CAAP1: variants seen among roughly 807,000 people sequenced by gnomAD.
CAAP1 encodes conserved anti-apoptotic protein.
A neutral mutation model predicts 34.0 loss-of-function variants in CAAP1; 20 were observed. The ratio of observed to expected loss-of-function variants is 0.59; its 90% CI spans 0.41 to 0.86. The LOEUF is 0.86. Among genes scored for constraint, CAAP1 ranks in the 40% least tolerant of loss-of-function variants. The probability of loss-of-function intolerance (pLI) is 0.00; values close to 1 mark genes in which losing one functional copy is unlikely to be tolerated. For missense variants in CAAP1, 538 were observed against 450.5 expected, an observed-to-expected ratio of 1.19 and a Z score of -1.76; for synonymous variants, 213 against 166.7, an observed-to-expected ratio of 1.28 and a Z score of -2.14.
At chr9:26,861,371 G>T (rs749164985) in intron 4 of CAAP1, among the ~76,000 whole-genome samples, 3 of 152,030 alleles carry the variant, frequency 2.0e-5, no homozygotes, top group Non-Finnish European at 2.9e-5. Context: ...AAAATCAAGG[G>T]GCAAACCTGA....
At position 26,887,467 on chromosome 9, in the gene CAAP1, G is replaced by A; in HGVS notation, c.350C>T (p.Ala117Val). ...ACCTTCTTCAAGGTCACTGTGCTCTGCCAAGAATAATTCTTTTTCCAAAGT... is the reference window on the plus strand; with the variant it reads ...ACCTTCTTCAAGGTCACTGTGCTCTACCAAGAATAATTCTTTTTCCAAAGT... Reference protein sequence around the residue: ...LPTLEKELFLAEHSDLEEGGL... With the variant: ...LPTLEKELFLVEHSDLEEGGL... The change falls in exon 2 of 6, where the codon GCA becomes GTA. Residue 117 changes from alanine (A) to valine (V), a missense_variant. Physicochemically the swap from Ala to Val is moderately conservative, Grantham distance 64. This residue lies in a region of CAAP1 where 514 missense variants were observed against 408.4 expected (regional missense o/e 1.26). Coordinates refer to ENST00000333916, the MANE Select transcript of CAAP1 (RefSeq NM_024828.4). 1 of 1,608,296 alleles carries A rather than the reference G, an allele frequency of 6.2e-7. No individual in the cohort carries two copies. The highest frequency in any genetic ancestry group is 8.5e-7 in the Non-Finnish European group (1 of 1,178,674).
chr9:26,858,012 A>AT (rs1822912781), intron 5 of CAAP1, among the ~76,000 whole-genome samples: 1 of 152,234 alleles, frequency 6.6e-6, no homozygotes. Context: ...GTCACATGAT[A>AT]TGATTTATTT....
At chr9:26,875,550 TA>T (rs1373201375) in intron 4 of CAAP1, among the ~76,000 whole-genome samples, 1 of 152,224 alleles carries the variant, frequency 6.6e-6, no homozygotes, top group African/African-American at 2.4e-5. Context: ...TTTTCTTCTT[TA>T]AAAAAGCTGT....
At chr9:26,844,159 A>T (rs1044338455) in intron 5 of CAAP1, among the ~76,000 whole-genome samples, 1 of 152,100 alleles carries the variant, frequency 6.6e-6, no homozygotes, top group Non-Finnish European at 1.5e-5. Flanking sequence ...GGAGTTTGAG[A>T]CCAGCCTGAC....
chr9:26,860,977 G>T, intron 5 of CAAP1, 89 bp downstream of exon 5: 2 of 888,572 alleles, frequency 2.3e-6, no homozygotes, highest in Non-Finnish European at 3.7e-6. Context: ...TGTAAAATGG[G>T]GTGAGTTAGA....
chr9:26,847,775 GA>G (rs1415842150), intron 5 of CAAP1, among the ~76,000 whole-genome samples: 1 of 150,234 alleles, frequency 6.7e-6, no homozygotes, highest in Non-Finnish European at 1.5e-5. Context: ...TAAATCTGTT[GA>G]TTTTTTTTCC....
chr9:26,860,653 G>A (rs1313285221), intron 5 of CAAP1, among the ~76,000 whole-genome samples: 2 of 152,092 alleles, frequency 1.3e-5, no homozygotes, highest in Non-Finnish European at 2.9e-5. Flanking sequence ...TTAGCTGGGC[G>A]TGGAGGTTGG....
intron 4 of CAAP1, among the ~76,000 whole-genome samples, chr9:26,878,578 A>C (rs1198835928): frequency 6.6e-6 from 1 of 152,174 alleles, no homozygotes; most frequent in East Asian, 1.9e-4. Flanking sequence ...ATATTCACAC[A>C]AGATACATGT....
At chr9:26,866,020 T>C (rs757128897) in intron 4 of CAAP1, among the ~76,000 whole-genome samples, 1 of 152,098 alleles carries the variant, frequency 6.6e-6, no homozygotes, top group Non-Finnish European at 1.5e-5. Context: ...TTAATTTTTG[T>C]ATTTTCAGTA....
intron 5 of CAAP1, among the ~76,000 whole-genome samples, chr9:26,854,898 T>C (rs1450324312): frequency 6.6e-6 from 1 of 152,216 alleles, no homozygotes; most frequent in Non-Finnish European, 1.5e-5. Flanking sequence ...TACCAAATGC[T>C]GATAGGAATG....
intron 4 of CAAP1, chr9:26,880,635 G>A (rs1395805903): frequency 6.5e-6 from 1 of 153,000 alleles, no homozygotes; most frequent in East Asian, 1.9e-4. Context: ...GAGAGTCACA[G>A]TGGGTCAGCA....
chr9:26,880,852 T>G (rs1823576408), intron 4 of CAAP1, among the ~76,000 whole-genome samples: 1 of 152,118 alleles, frequency 6.6e-6, no homozygotes. Flanking sequence ...ATTTTTGTAT[T>G]TTTAGTGGAG....
At chr9:26,859,474 A>G (rs1015835001) in intron 5 of CAAP1, among the ~76,000 whole-genome samples, 7 of 152,126 alleles carry the variant, frequency 4.6e-5, no homozygotes, top group African/African-American at 1.4e-4. Flanking sequence ...AGCTTTTCTT[A>G]TCCTTTATAG....
intron 2 of CAAP1, 141 bp from the exon 3 acceptor site, chr9:26,886,329 T>C (rs1346461454): frequency 2.5e-6 from 1 of 405,962 alleles, no homozygotes; most frequent in African/African-American, 2.1e-5. Flanking sequence ...CACATACATC[T>C]TTTCCTGGGA....
At chr9:26,858,843 AAG>A (rs1822938142) in intron 5 of CAAP1, among the ~76,000 whole-genome samples, 1 of 150,264 alleles carries the variant, frequency 6.7e-6, no homozygotes, top group Non-Finnish European at 1.5e-5. Context: ...AAAAAAGAAA[AAG>A]AAATTAGCTA....
chr9:26,863,114 T>C (rs1823043223), intron 4 of CAAP1, among the ~76,000 whole-genome samples: 1 of 152,200 alleles, frequency 6.6e-6, no homozygotes, highest in Admixed American at 6.5e-5. Flanking sequence ...GAAAGCCTCT[T>C]AGAGCCCCTT....
chr9:26,877,439 T>C (rs1823468689), intron 4 of CAAP1, among the ~76,000 whole-genome samples: 1 of 152,182 alleles, frequency 6.6e-6, no homozygotes, highest in South Asian at 2.1e-4. Flanking sequence ...GTGCAATTCC[T>C]CATTATTAAG....
intron 5 of CAAP1, among the ~76,000 whole-genome samples, chr9:26,852,885 G>A (rs963523435): frequency 2.6e-5 from 4 of 152,188 alleles, no homozygotes; most frequent in African/African-American, 7.2e-5. Context: ...GACCCATATG[G>A]TTATCTGAGG....
intron 5 of CAAP1, 66 bp downstream of exon 5, chr9:26,861,000 A>G: frequency 8.3e-7 from 1 of 1,199,546 alleles, no homozygotes; most frequent in Non-Finnish European, 1.2e-6. Context: ...CTGAAAATTT[A>G]TTTTTGGTAA....
Sources: gnomAD v4.1 joint callset for allele counts (sites outside exome capture counted in the v4.1 genomes callset) on GRCh38, gnomAD v4.1.1 for gene constraint, gnomAD v4.1.1 regional missense constraint, MANE v1.5 for transcripts, NCBI Gene and HGNC (gene_info 2026-07-23, HGNC 2026-07-21) for gene names.